Variants in KIAA1217 observed in about 807,000 individuals in gnomAD.
The protein encoded by KIAA1217 is sickle tail protein homolog.
KIAA1217 carries 88 observed loss-of-function variants against 163.9 expected under a neutral mutation model. The observed-to-expected ratio is 0.54, with a 90% CI of 0.45 to 0.64. KIAA1217 has a LOEUF of 0.64. KIAA1217 is among the 30% of genes least tolerant of loss of function. The pLI, the probability that KIAA1217 is intolerant of heterozygous loss-of-function variation, is 0.00. For synonymous variants in KIAA1217, 903 were observed against 923.1 expected, an observed-to-expected ratio of 0.98 and a Z score of 0.39; for missense variants, 2,372 against 2,475.0, an observed-to-expected ratio of 0.96 and a Z score of 0.88.
chr10:23,822,906 A>G (rs1475568435), intron 1 of KIAA1217, among the ~76,000 whole-genome samples: 1 of 152,224 alleles, frequency 6.6e-6, no homozygotes, highest in Non-Finnish European at 1.5e-5. Context: ...TAGCACATAT[A>G]CCATATGTCT....
intron 2 of KIAA1217, among the ~76,000 whole-genome samples, chr10:24,244,566 T>C (rs1352790464): frequency 1.6e-4 from 23 of 145,448 alleles, no homozygotes; most frequent in African/African-American, 3.3e-4. Context: ...TCTTTCTTTT[T>C]TTTTTTTTTT....
chr10:23,765,917 G>T (rs11812317), intron 1 of KIAA1217, among the ~76,000 whole-genome samples: 2 of 152,146 alleles, frequency 1.3e-5, no homozygotes, highest in South Asian at 2.1e-4. Context: ...GCATTAACTT[G>T]CTATACTGCC....
intron 1 of KIAA1217, among the ~76,000 whole-genome samples, chr10:24,218,488 C>CTTTTTTTTT (rs60914810): frequency 6.8e-6 from 1 of 147,220 alleles, no homozygotes; most frequent in Non-Finnish European, 1.5e-5. Context: ...TCGATTGTTA[C>CTTTTTTTTT]TTTTTTTTTT....
At chr10:23,927,363 C>T (rs1332147131) in intron 1 of KIAA1217, among the ~76,000 whole-genome samples, 1 of 113,384 alleles carries the variant, frequency 8.8e-6, no homozygotes, top group African/African-American at 4.8e-5. Flanking sequence ...TGTGTGTGGC[C>T]AAATGTTTTC....
chr10:24,258,416 G>A (rs2075381795), intron 2 of KIAA1217, among the ~76,000 whole-genome samples: 1 of 152,082 alleles, frequency 6.6e-6, no homozygotes, highest in Non-Finnish European at 1.5e-5. Flanking sequence ...AGTGAGGGGT[G>A]ACTGTGAGAG....
At chr10:24,087,111 C>A (rs577026659) in intron 2 of KIAA1217, among the ~76,000 whole-genome samples, 14 of 152,276 alleles carry the variant, frequency 9.2e-5, no homozygotes, top group African/African-American at 2.9e-4. Context: ...AAATCTCTAA[C>A]ACCAATGATG....
intron 1 of KIAA1217, among the ~76,000 whole-genome samples, chr10:23,808,081 T>C (rs909035133): frequency 3.3e-5 from 5 of 152,220 alleles, no homozygotes; most frequent in Admixed American, 2.6e-4. Flanking sequence ...CTATTGCCAC[T>C]GCAGATGTAA....
intron 5 of KIAA1217, among the ~76,000 whole-genome samples, chr10:24,467,777 T>C (rs978679822): frequency 6.6e-6 from 1 of 151,540 alleles, no homozygotes; most frequent in Non-Finnish European, 1.5e-5. Flanking sequence ...TTAATGTGAA[T>C]GGCAACTCGT....
chr10:24,122,496 T>C (rs933099852), intron 2 of KIAA1217, among the ~76,000 whole-genome samples: 5 of 152,192 alleles, frequency 3.3e-5, no homozygotes, highest in African/African-American at 4.8e-5. Flanking sequence ...CATGATTATA[T>C]TGGAGAACAA....
chr10:24,484,782 C>T (rs1218506507), intron 6 of KIAA1217, among the ~76,000 whole-genome samples: 1 of 152,170 alleles, frequency 6.6e-6, no homozygotes, highest in Non-Finnish European at 1.5e-5. Flanking sequence ...ACTTTGTGTA[C>T]TGGACAGTTT....
intron 1 of KIAA1217, among the ~76,000 whole-genome samples, chr10:23,800,158 C>A (rs1277680319): frequency 6.6e-6 from 1 of 152,096 alleles, no homozygotes; most frequent in Non-Finnish European, 1.5e-5. Context: ...GGAGTGAGAA[C>A]TGCCATAAAA....
chr10:23,842,206 T>G (rs535882939), intron 1 of KIAA1217, among the ~76,000 whole-genome samples: 1 of 152,220 alleles, frequency 6.6e-6, no homozygotes, highest in South Asian at 2.1e-4. Flanking sequence ...TCTGCCTTAT[T>G]CCCTCTTACT....
At chr10:23,769,206 G>A (rs1008738743) in intron 1 of KIAA1217, among the ~76,000 whole-genome samples, 2 of 152,162 alleles carry the variant, frequency 1.3e-5, no homozygotes, top group Admixed American at 1.3e-4. Context: ...TTGGTTGGGT[G>A]GAAGATGAAA....
chr10:23,848,821 T>C (rs1031491222), intron 1 of KIAA1217, among the ~76,000 whole-genome samples: 37 of 152,102 alleles, frequency 2.4e-4, no homozygotes, highest in African/African-American at 6.8e-4. Context: ...GAACAATAAA[T>C]ATACCTTTGT....
intron 2 of KIAA1217, among the ~76,000 whole-genome samples, chr10:24,074,823 C>G (rs1266141864): frequency 6.6e-6 from 1 of 151,670 alleles, no homozygotes; most frequent in Non-Finnish European, 1.5e-5. Context: ...CCTCAGCCCC[C>G]TAAGTAGCTG....
At chr10:24,216,615 T>A (rs985988233) in intron 1 of KIAA1217, among the ~76,000 whole-genome samples, 1 of 151,756 alleles carries the variant, frequency 6.6e-6, no homozygotes, top group African/African-American at 2.4e-5. Flanking sequence ...TCACTTGAGG[T>A]CAGGGGTTCG....
At chr10:24,545,548 G>T in intron 20 of KIAA1217, 1 of 1,335,092 alleles carries the variant, frequency 7.5e-7, no homozygotes, top group Non-Finnish European at 9.5e-7. Context: ...CCAGACGCAT[G>T]GCCCACCTGG....
rs75636579 is a variant in KIAA1217, at chr10:23,768,756, T to C, written c.-321+73522T>C. Among the ~76,000 whole-genome samples, 1,344 of 152,124 alleles carry C rather than the reference T, an allele frequency of 8.8e-3. 24 individuals are homozygous for C. The highest frequency in any genetic ancestry group is 0.031 in the African/African-American group (1,279 of 41,484). ...TTTACCATTTAGCACAGCCCAGAGA[T>C]GGGTTCAAGGATTATTGACTTTCCC... is the stretch of plus-strand genomic sequence containing the variant. On this transcript the variant is annotated intron_variant, in intron 1 of 18. Coordinates refer to the KIAA1217 transcript ENST00000376462.
intron 1 of KIAA1217, among the ~76,000 whole-genome samples, chr10:23,758,686 C>CTTTTTTTTT (rs34055872): frequency 3.3e-5 from 2 of 59,848 alleles, no homozygotes; most frequent in Non-Finnish European, 6.9e-5. Context: ...TTCTTTCTTT[C>CTTTTTTTTT]TTTTTTTTTT....
Sources: gnomAD v4.1 joint callset for allele counts (sites outside exome capture counted in the v4.1 genomes callset) on GRCh38, gnomAD v4.1.1 for gene constraint, MANE v1.5 for transcripts, NCBI Gene and HGNC (gene_info 2026-07-23, HGNC 2026-07-21) for gene names.